SLTM: variants seen among roughly 807,000 people sequenced by gnomAD.
The protein encoded by SLTM is SAFB like transcription modulator, also known as SAFB-like transcription modulator.
Under a neutral mutation model 134.6 loss-of-function variants are expected in SLTM, and 43 were observed. The ratio of observed to expected loss-of-function variants is 0.32; its 90% CI spans 0.25 to 0.41. The LOEUF (loss-of-function observed/expected upper bound fraction) is 0.41. Ranked by LOEUF, SLTM falls within the 10% of genes least tolerant of loss-of-function variation. The pLI is 1.00. For missense variants in SLTM, 1,055 were observed against 1,288.8 expected, an observed-to-expected ratio of 0.82 and a Z score of 2.78; for synonymous variants, 424 against 432.3, an observed-to-expected ratio of 0.98 and a Z score of 0.24.
chr15:58,879,511 T>G lies in SLTM; in HGVS notation c.*488A>C, dbSNP rs543487773. 6.5e-6 allele frequency: 1 copy of G among 152,982 alleles called. No homozygotes were observed. The highest frequency in any genetic ancestry group is 1.5e-5 in the Non-Finnish European group (1 of 68,206). The allele number at this position is 152,982 out of a possible 1,614,324, so 9.5% of individuals were successfully genotyped here. A position where few individuals can be genotyped will look rare whatever the true frequency, so the allele number is the denominator to read the frequency against. On this transcript the variant is annotated 3_prime_UTR_variant, in exon 21 of 21. Coordinates refer to ENST00000380516, the MANE Select transcript of SLTM (RefSeq NM_024755.4). ...CAGATGCACTTAATGTAACAGTACC[T>G]TCTGCAAAAATAGGTTACATAATAC...
intron 5 of SLTM, among the ~76,000 whole-genome samples, chr15:58,909,765 C>G (rs2036126451): frequency 6.6e-6 from 1 of 152,132 alleles, no homozygotes; most frequent in South Asian, 2.1e-4. Context: ...ACAAAAAATA[C>G]AATAAACAAA....
rs780471436 is a variant in SLTM at position 58,883,653 on chromosome 15, C to T, written c.2969G>A (p.Gly990Glu). The T allele has an allele frequency of 2.0e-5, 33 of 1,614,056 alleles. No homozygotes were observed. The highest frequency in any genetic ancestry group is 2.6e-5 in the Non-Finnish European group (31 of 1,180,024). Residue 990 changes from glycine (G) to glutamate (E), a missense_variant, in exon 20 of 21, where the codon GGA becomes GAA. By Grantham distance (98) the Gly-to-Glu change is moderately conservative. Coordinates refer to ENST00000380516, the MANE Select transcript of SLTM (RefSeq NM_024755.4). Reference sequence around the variant, plus strand: ...TGAATGTTGGGTTATCATGCCTGCTCCTGCCCGGCCGTCACCCATTCGCCT... The same window carrying T: ...TGAATGTTGGGTTATCATGCCTGCTTCTGCCCGGCCGTCACCCATTCGCCT... ...DTRRMGDGRAGAGMITQHSSN... is the reference protein window; with the variant it reads ...DTRRMGDGRAEAGMITQHSSN...
intron 5 of SLTM, among the ~76,000 whole-genome samples, chr15:58,906,089 C>T (rs1483779659): frequency 6.6e-6 from 1 of 152,080 alleles, no homozygotes; most frequent in Non-Finnish European, 1.5e-5. Context: ...AACCATAAGT[C>T]CTAAATAAGA....
At chr15:58,896,111 T>C (rs1469849577) in intron 9 of SLTM, among the ~76,000 whole-genome samples, 2 of 152,196 alleles carry the variant, frequency 1.3e-5, no homozygotes, top group Non-Finnish European at 2.9e-5. Flanking sequence ...CATTTGTTAT[T>C]AATTGAGTAT....
At chr15:58,907,479 G>A (rs1310054844) in intron 5 of SLTM, among the ~76,000 whole-genome samples, 2 of 152,172 alleles carry the variant, frequency 1.3e-5, no homozygotes, top group Admixed American at 1.3e-4. Context: ...AAAGTCAGAC[G>A]GGTGTGGTGG....
At chr15:58,911,054 T>C (rs527730194) in intron 5 of SLTM, among the ~76,000 whole-genome samples, 17 of 152,122 alleles carry the variant, frequency 1.1e-4, no homozygotes, top group Non-Finnish European at 2.1e-4. Flanking sequence ...CCTCATAGAT[T>C]CTTTATCACT....
At chr15:58,903,926 T>C (rs894850092) in intron 5 of SLTM, among the ~76,000 whole-genome samples, 1 of 152,246 alleles carries the variant, frequency 6.6e-6, no homozygotes, top group African/African-American at 2.4e-5. Context: ...AAATGTCAAA[T>C]ATTTTACAAT....
intron 2 of SLTM, among the ~76,000 whole-genome samples, chr15:58,928,837 C>T (rs1361674281): frequency 7.2e-5 from 11 of 152,266 alleles, no homozygotes; most frequent in African/African-American, 1.4e-4. Context: ...ATTACCTCTA[C>T]GTAATCCCCT....
At chr15:58,889,822 G>C in intron 15 of SLTM, 1 of 406,172 alleles carries the variant, frequency 2.5e-6, no homozygotes, top group South Asian at 3.2e-5. Context: ...TAAAACAAAA[G>C]CACCTAAAGG....
At chr15:58,901,876 G>A (rs1284672814) in intron 5 of SLTM, among the ~76,000 whole-genome samples, 2 of 150,766 alleles carry the variant, frequency 1.3e-5, no homozygotes. Context: ...GGGTGACAGA[G>A]TAAATCCCTG....
At position 58,892,951 on chromosome 15, in the gene SLTM, A is replaced by G. The variant is rs759945513; in HGVS notation, c.1844T>C (p.Leu615Ser). ...TTCAAAACGAACTAAATGTTCTCTC[A>G]ACCTTTGTTCCTTCATCTTTTCAAA... ...LPFEKMKEQR[L>S]REHLVRFERL... Residue 615 changes from leucine (L) to serine (S), a missense_variant, in exon 14 of 21, where the codon TTG becomes TCG. By Grantham distance (145) the Leu-to-Ser change is moderately radical. This residue lies in a region of SLTM where 776 missense variants were observed against 962.2 expected (regional missense o/e 0.81). Transcript: ENST00000380516. 8.7e-6 allele frequency: 14 copies of G among 1,613,580 alleles called. No individual in the cohort carries two copies. The highest frequency in any genetic ancestry group is 1.3e-5 in the African/African-American group (1 of 74,886).
Position 58,890,412 on chromosome 15 carries a change from T to C in SLTM, c.1948A>G (p.Ile650Val). The change falls in exon 15 of 21, where the codon ATA (isoleucine) becomes GTA (valine). Residue 650 changes from isoleucine to valine, a missense_variant. Around this residue, in one of 3 missense-constraint regions of SLTM, gnomAD observed 776 missense variants for 962.2 expected, o/e 0.81. Transcript: ENST00000380516. ...TCCCGTTCTTCCCGTTCACGAATTATTCTAATGCGTTCTCGCTCTCGACGC... is the reference window on the plus strand; with the variant it reads ...TCCCGTTCTTCCCGTTCACGAATTACTCTAATGCGTTCTCGCTCTCGACGC... ...RERRERERIR[I>V]IREREERERL... 2 of 1,614,064 alleles carry C rather than the reference T, an allele frequency of 1.2e-6. No individual in the cohort carries two copies. The highest frequency in any genetic ancestry group is 1.7e-6 in the Non-Finnish European group (2 of 1,180,000).
At chr15:58,887,143 T>G in intron 18 of SLTM, 24 bp from the exon 19 acceptor site, 1 of 1,613,768 alleles carries the variant, frequency 6.2e-7, no homozygotes. Context: ...CATAAAAACA[T>G]ACATGATCAA....
chr15:58,929,582 T>C (rs1340294956), intron 2 of SLTM, among the ~76,000 whole-genome samples: 1 of 152,240 alleles, frequency 6.6e-6, no homozygotes, highest in Non-Finnish European at 1.5e-5. Context: ...AAGTTATTAT[T>C]TAAACATCTT....
At chr15:58,887,940 C>T (rs765518404) in intron 17 of SLTM, among the ~76,000 whole-genome samples, 25 of 152,142 alleles carry the variant, frequency 1.6e-4, no homozygotes, top group Non-Finnish European at 3.1e-4. Flanking sequence ...CACTTCAGGT[C>T]AGAAGTGCTA....
intron 5 of SLTM, among the ~76,000 whole-genome samples, chr15:58,912,248 C>A (rs546933832): frequency 1.3e-5 from 2 of 151,868 alleles, no homozygotes; most frequent in East Asian, 3.9e-4. Context: ...TACAGGTGCC[C>A]GCCACCACGC....
intron 5 of SLTM, 75 bp from the exon 6 acceptor site, chr15:58,901,362 C>T: frequency 2.4e-6 from 3 of 1,258,118 alleles, no homozygotes; most frequent in Middle Eastern, 3.8e-4. Context: ...CAAAATCAGC[C>T]AAGTTAAAAT....
intron 10 of SLTM, 106 bp downstream of exon 10, chr15:58,894,327 A>C: frequency 6.7e-7 from 1 of 1,486,432 alleles, no homozygotes; most frequent in Admixed American, 2.1e-5. Flanking sequence ...AATACATAAA[A>C]ATTAAAAATC....
At chr15:58,889,383 G>A (rs1198844715) in intron 16 of SLTM, 47 bp downstream of exon 16, 2 of 1,607,880 alleles carry the variant, frequency 1.2e-6, no homozygotes, top group Non-Finnish European at 1.7e-6. Context: ...AGCCTAAAGG[G>A]AATAAAACAG....
Sources: gnomAD v4.1 joint callset for allele counts (sites outside exome capture counted in the v4.1 genomes callset) on GRCh38, gnomAD v4.1.1 for gene constraint, gnomAD v4.1.1 regional missense constraint, MANE v1.5 for transcripts, NCBI Gene and HGNC (gene_info 2026-07-23, HGNC 2026-07-21) for gene names.